Variants in PHKB observed in about 807,000 individuals in gnomAD.
PHKB encodes phosphorylase b kinase regulatory subunit beta.
In PHKB, 122 loss-of-function variants were observed where a neutral mutation model predicts 152.1. The observed-to-expected ratio is 0.80, with a 90% CI of 0.69 to 0.93. The LOEUF (loss-of-function observed/expected upper bound fraction) is 0.93. PHKB is among the 40% of genes least tolerant of loss of function. PHKB has a pLI of 0.00. For synonymous variants in PHKB, 436 were observed against 464.9 expected, an observed-to-expected ratio of 0.94 and a Z score of 0.80; for missense variants, 1,304 against 1,328.4, an observed-to-expected ratio of 0.98 and a Z score of 0.29.
intron 27 of PHKB, among the ~76,000 whole-genome samples, chr16:47,692,282 A>G (rs1380248088): frequency 6.6e-6 from 1 of 152,166 alleles, no homozygotes. Context: ...AATTGAGTAT[A>G]CATTTCACTC....
rs181284447 is a variant in PHKB, at chr16:47,621,098, T to A, written c.1458+10178T>A. ...ACTGCAGTATAATCTGGGGAAGGAC[T>A]CCTAGCATCTCTGGAGTGTAGTTCT... is the stretch of plus-strand genomic sequence containing the variant. On this transcript the variant is annotated intron_variant, in intron 14 of 30. Transcript: ENST00000323584. Among the ~76,000 whole-genome samples the A allele has an allele frequency of 1.3e-4, 20 of 152,258 alleles. No homozygotes were observed. The East Asian group carries it at 3.7e-3, about 28-fold the overall frequency.
chr16:47,573,897 A>G (rs985446734), intron 7 of PHKB, among the ~76,000 whole-genome samples: 1 of 151,892 alleles, frequency 6.6e-6, no homozygotes, highest in Non-Finnish European at 1.5e-5. Context: ...CATCCCTGCT[A>G]GGGTGTGGGA....
At chr16:47,479,205 T>G (rs1969922399) in intron 1 of PHKB, among the ~76,000 whole-genome samples, 1 of 152,186 alleles carries the variant, frequency 6.6e-6, no homozygotes, top group African/African-American at 2.4e-5. Context: ...GAGAACTGAT[T>G]GTGATTGTGA....
Position 47,660,734 on chromosome 16 carries a change from G to A in PHKB, c.2111G>A (p.Ser704Asn). The change falls in exon 22 of 31, where the codon AGT (serine) becomes AAT (asparagine). Residue 704 changes from serine to asparagine, a missense_variant. By Grantham distance (46) the Ser-to-Asn change is conservative (BLOSUM62 1). Coordinates refer to ENST00000323584, the MANE Select transcript of PHKB (RefSeq NM_000293.3). Reference sequence around the variant, plus strand: ...GTCAAACGGCAAAGCAGCACCCCTAGTGCTCCTGAACTGGGACAGCAGCCG... The same window carrying A: ...GTCAAACGGCAAAGCAGCACCCCTAATGCTCCTGAACTGGGACAGCAGCCG... ...SKVKRQSSTP[S>N]APELGQQPDV... The A allele has an allele frequency of 6.2e-7, 1 of 1,614,070 alleles. No individual in the cohort carries two copies. The highest frequency in any genetic ancestry group is 1.1e-5 in the South Asian group (1 of 91,076).
intron 7 of PHKB, chr16:47,566,820 C>T (rs1971576391): frequency 1.4e-6 from 1 of 723,336 alleles, no homozygotes; most frequent in East Asian, 2.6e-5. Context: ...TCCACCAGTC[C>T]CTCCATCCTC....
At chr16:47,482,811 C>G (rs1389447808) in intron 1 of PHKB, among the ~76,000 whole-genome samples, 2 of 152,004 alleles carry the variant, frequency 1.3e-5, no homozygotes, top group Admixed American at 1.3e-4. Flanking sequence ...ACCTCTGCCT[C>G]CTGGGCTCAA....
chr16:47,658,332 C>T (rs779614521), intron 20 of PHKB, among the ~76,000 whole-genome samples: 5 of 152,056 alleles, frequency 3.3e-5, no homozygotes, highest in Non-Finnish European at 5.9e-5. Flanking sequence ...TAGAGAAATC[C>T]TTTCTGATCA....
At chr16:47,462,855 A>G (rs966335424) in intron 1 of PHKB, 5 of 151,638 alleles carry the variant, frequency 3.3e-5, no homozygotes, top group African/African-American at 1.2e-4. Context: ...ACTTAGGGTT[A>G]TAGTAAAATT....
At chr16:47,553,742 A>T (rs1287480412) in intron 7 of PHKB, among the ~76,000 whole-genome samples, 1 of 152,124 alleles carries the variant, frequency 6.6e-6, no homozygotes, top group Non-Finnish European at 1.5e-5. Context: ...TTTTGTTAAG[A>T]TATTGATGCT....
chr16:47,677,266 CCAAA>C (rs1419250895), intron 26 of PHKB, among the ~76,000 whole-genome samples: 7 of 152,190 alleles, frequency 4.6e-5, no homozygotes, highest in African/African-American at 7.2e-5. Flanking sequence ...CCTTCAGTCA[CCAAA>C]CAGATAGCTC....
At position 47,509,978 on chromosome 16, in the gene PHKB, A is replaced by T. The variant is rs77573040; in HGVS notation, c.406-1687A>T. ...CCACAATTCTCTCTGACTTGGCTATAATAATTCCTTGGTGTCAATACTTTG... is the reference window on the plus strand; with the variant it reads ...CCACAATTCTCTCTGACTTGGCTATTATAATTCCTTGGTGTCAATACTTTG... On this transcript the variant is annotated intron_variant, in intron 4 of 30. Coordinates refer to ENST00000323584, the MANE Select transcript of PHKB (RefSeq NM_000293.3). Among the ~76,000 whole-genome samples the T allele has an allele frequency of 6.8e-3, 1,034 of 152,338 alleles. 12 individuals are homozygous for T. The highest frequency in any genetic ancestry group is 0.023 in the African/African-American group (966 of 41,570).
chr16:47,572,807 T>G (rs1206677671), intron 7 of PHKB, among the ~76,000 whole-genome samples: 2 of 152,182 alleles, frequency 1.3e-5, no homozygotes, highest in East Asian at 3.8e-4. Flanking sequence ...GCAGCCTGAT[T>G]GGTGTGAGTA....
chr16:47,687,765 G>T (rs1401710383), intron 26 of PHKB, among the ~76,000 whole-genome samples: 1 of 152,178 alleles, frequency 6.6e-6, no homozygotes, highest in African/African-American at 2.4e-5. Context: ...CAAACAATAG[G>T]GGAGAAGGTA....
At chr16:47,695,918 A>G (rs900451001) in intron 28 of PHKB, among the ~76,000 whole-genome samples, 1 of 152,218 alleles carries the variant, frequency 6.6e-6, no homozygotes, top group African/African-American at 2.4e-5. Context: ...AGTTCTGCAC[A>G]TAATATTGTT....
chr16:47,543,812 T>C (rs559624706), intron 6 of PHKB, among the ~76,000 whole-genome samples: 1 of 152,364 alleles, frequency 6.6e-6, no homozygotes, highest in South Asian at 2.1e-4. Context: ...TATTCTCTGA[T>C]GGTAGTTTGT....
chr16:47,611,333 G>A (rs1054672590), intron 14 of PHKB, among the ~76,000 whole-genome samples: 2 of 152,188 alleles, frequency 1.3e-5, no homozygotes, highest in African/African-American at 4.8e-5. Context: ...TTGGTGACGT[G>A]TTGGGCAAGG....
intron 6 of PHKB, among the ~76,000 whole-genome samples, chr16:47,520,842 A>C (rs1970673246): frequency 1.3e-5 from 2 of 152,212 alleles, no homozygotes; most frequent in Non-Finnish European, 2.9e-5. Context: ...TATCATTTGA[A>C]GCTCAAAGCT....
intron 7 of PHKB, among the ~76,000 whole-genome samples, chr16:47,551,674 G>C (rs1042305398): frequency 1.2e-4 from 18 of 152,308 alleles, no homozygotes; most frequent in African/African-American, 4.3e-4. Flanking sequence ...GTGGTGCTGA[G>C]AAGAATGTAT....
chr16:47,557,416 C>G (rs2151679125), intron 7 of PHKB, among the ~76,000 whole-genome samples: 1 of 152,250 alleles, frequency 6.6e-6, no homozygotes, highest in South Asian at 2.1e-4. Flanking sequence ...TTCTGCACAG[C>G]AAAAGAAACT....
Sources: gnomAD v4.1 joint callset for allele counts (sites outside exome capture counted in the v4.1 genomes callset) on GRCh38, gnomAD v4.1.1 for gene constraint, MANE v1.5 for transcripts, NCBI Gene and HGNC (gene_info 2026-07-23, HGNC 2026-07-21) for gene names.